Variants in AHCTF1 observed in about 807,000 individuals in gnomAD.
AHCTF1 encodes the protein protein ELYS.
In AHCTF1, 24 loss-of-function variants were observed where a neutral mutation model predicts 248.4. That is an observed-to-expected ratio of 0.10 (90% confidence interval 0.07 to 0.14). AHCTF1 has a LOEUF of 0.14. AHCTF1 is among the 10% of genes least tolerant of loss of function. The pLI is 1.00. For synonymous variants in AHCTF1, 786 were observed against 929.8 expected (o/e 0.85, Z 2.81); for missense variants, 2,206 against 2,636.2 (o/e 0.84, Z 3.57).
rs536529886 is a variant in AHCTF1, at chr1:246,866,982, A to C, written c.3347+262T>G. On this transcript the variant is annotated intron_variant, in intron 26 of 35. Transcript: ENST00000648844. ...CTACTAACAAGCAGGTAACAAGGAA[A>C]GTAAGTTAATAGTTTGCTCATGAGA... Among the ~76,000 whole-genome samples, 17 of 152,342 alleles carry C rather than the reference A, an allele frequency of 1.1e-4. No homozygotes were observed. The East Asian group carries it at 2.7e-3, about 24-fold the overall frequency.
chr1:246,840,725 T>G lies in AHCTF1; in HGVS notation c.*81A>C. On this transcript the variant is annotated 3_prime_UTR_variant, in exon 36 of 36. Coordinates refer to ENST00000648844, the MANE Select transcript of AHCTF1 (RefSeq NM_001323342.2). Reference sequence around the variant, plus strand: ...TTTACAATAATTTATATAAATTATTTTCTTCCAAACTAGATATTTAATAAT... The same window carrying G: ...TTTACAATAATTTATATAAATTATTGTCTTCCAAACTAGATATTTAATAAT... 9.9e-7 allele frequency: 1 copy of G among 1,007,086 alleles called. No homozygotes were observed. The highest frequency in any genetic ancestry group is 1.4e-6 in the Non-Finnish European group (1 of 730,350). The allele number at this position is 1,007,086 out of a possible 1,614,324, so 62.4% of individuals were successfully genotyped here. A position where few individuals can be genotyped will look rare whatever the true frequency, so the allele number is the denominator to read the frequency against.
intron 3 of AHCTF1, among the ~76,000 whole-genome samples, chr1:246,915,432 C>T (rs1255711721): frequency 6.6e-6 from 1 of 152,046 alleles, no homozygotes; most frequent in African/African-American, 2.4e-5. Flanking sequence ...CCCTATTCTT[C>T]CTTCCCCTCA....
chr1:246,863,777 G>T, intron 27 of AHCTF1, 147 bp downstream of exon 27: 1 of 767,774 alleles, frequency 1.3e-6, no homozygotes. Flanking sequence ...TCCGTTTTTA[G>T]AAGATGTGAA....
chr1:246,918,067 G>T (rs1430082955), intron 2 of AHCTF1, among the ~76,000 whole-genome samples, 183 bp downstream of exon 2: 1 of 151,912 alleles, frequency 6.6e-6, no homozygotes, highest in Non-Finnish European at 1.5e-5. Context: ...CCCAATCAGA[G>T]GTTCACTGAT....
chr1:246,918,942 G>A (rs1356004284), intron 1 of AHCTF1, among the ~76,000 whole-genome samples: 1 of 152,126 alleles, frequency 6.6e-6, no homozygotes, highest in Non-Finnish European at 1.5e-5. Flanking sequence ...GGGGGAGAAA[G>A]TCCAAGAAAA....
intron 8 of AHCTF1, among the ~76,000 whole-genome samples, chr1:246,902,050 G>A (rs1665038228): frequency 6.6e-6 from 1 of 152,112 alleles, no homozygotes; most frequent in African/African-American, 2.4e-5. Context: ...GAGAAACAGA[G>A]CTCTGAAATG....
At chr1:246,857,028 C>T (rs930842559) in intron 30 of AHCTF1, among the ~76,000 whole-genome samples, 7 of 152,316 alleles carry the variant, frequency 4.6e-5, no homozygotes, top group Middle Eastern at 3.4e-3. Flanking sequence ...GTGTCAGTCT[C>T]GCAATGAGAC....
At position 246,857,784 on chromosome 1, in the gene AHCTF1, A is replaced by C; in HGVS notation, c.4163T>G (p.Leu1388Arg). The change falls in exon 30 of 36, where the codon CTC becomes CGC. Residue 1388 changes from leucine (L) to arginine (R), a missense_variant. Physicochemically the swap from Leu to Arg is moderately radical, Grantham distance 102. This residue lies in a region of AHCTF1 where 955 missense variants were observed against 1,055.6 expected (regional missense o/e 0.90). Coordinates refer to ENST00000648844, the MANE Select transcript of AHCTF1 (RefSeq NM_001323342.2). ...TGAAAATGCCTCTGCTGCAACTAAG[A>C]GATCCTTTGTTTCTGCATCTTCTAA... ...GNLEDAETKD[L>R]LVAAEAFSEL... is the part of the protein sequence containing the mutation. 3 of 1,612,708 alleles carry C rather than the reference A, an allele frequency of 1.9e-6. No individual in the cohort carries two copies. Among genetic ancestry groups the C allele is most frequent in the Non-Finnish European group, 2.5e-6 (3 of 1,178,950 alleles).
intron 6 of AHCTF1, among the ~76,000 whole-genome samples, chr1:246,905,140 C>T (rs549500393): frequency 6.6e-6 from 1 of 152,288 alleles, no homozygotes; most frequent in Admixed American, 6.5e-5. Flanking sequence ...AATTGTGTTG[C>T]CTTCACTAAA....
intron 20 of AHCTF1, among the ~76,000 whole-genome samples, chr1:246,886,433 A>G (rs1281959268): frequency 6.6e-6 from 1 of 152,260 alleles, no homozygotes; most frequent in Non-Finnish European, 1.5e-5. Flanking sequence ...ACATTGTATT[A>G]GATGTTATAA....
intron 24 of AHCTF1, among the ~76,000 whole-genome samples, chr1:246,869,245 T>C (rs537387112): frequency 6.6e-6 from 1 of 152,220 alleles, no homozygotes; most frequent in South Asian, 2.1e-4. Context: ...CTCCACTGAC[T>C]AACTGTTCCC....
chr1:246,851,139 C>T lies in AHCTF1; in HGVS notation c.4867G>A (p.Glu1623Lys). 6.2e-7 allele frequency: 1 copy of T among 1,613,894 alleles called. No individual in the cohort carries two copies. Among genetic ancestry groups the T allele is most frequent in the Non-Finnish European group, 8.5e-7 (1 of 1,179,854 alleles). Residue 1623 changes from glutamate to lysine, a missense_variant, in exon 33 of 36, where the codon GAA (glutamate) becomes AAA (lysine). Glu to Lys is a moderately conservative substitution (Grantham distance 56). Coordinates refer to ENST00000648844, the MANE Select transcript of AHCTF1 (RefSeq NM_001323342.2). ...TCCCCACTGCATACAAGTTTTTCTTCAGTTGCTGTGTTAGCTGCTTTAGGT... is the reference window on the plus strand; with the variant it reads ...TCCCCACTGCATACAAGTTTTTCTTTAGTTGCTGTGTTAGCTGCTTTAGGT... The part of the protein sequence containing the change: ...VLPKAANTAT[E>K]EKLVCSGEND...
rs1233303477 is a variant in AHCTF1, at chr1:246,904,170, G to A, written c.882-137C>T. 40 of 634,514 alleles carry A rather than the reference G, an allele frequency of 6.3e-5. 2 individuals carry two copies. Among genetic ancestry groups the A allele is most frequent in the South Asian group, 5.3e-4 (26 of 48,714 alleles). The allele number at this position is 634,514 out of a possible 1,614,324, so 39.3% of individuals were successfully genotyped here. A position where few individuals can be genotyped will look rare whatever the true frequency, so the allele number is the denominator to read the frequency against. On this transcript the variant is annotated intron_variant, in intron 6 of 35. Transcript: ENST00000648844. ...AATCACTGTGAAAAATTTAGTTTTCGGTAATTTTTATAAAAATGTAGTCCT... is the reference window on the plus strand; with the variant it reads ...AATCACTGTGAAAAATTTAGTTTTCAGTAATTTTTATAAAAATGTAGTCCT...
intron 3 of AHCTF1, among the ~76,000 whole-genome samples, chr1:246,913,809 C>A (rs985979289): frequency 6.6e-6 from 1 of 152,210 alleles, no homozygotes; most frequent in Non-Finnish European, 1.5e-5. Context: ...ACGCATAAAA[C>A]GCAAACCTAA....
intron 24 of AHCTF1, 22 bp downstream of exon 24, chr1:246,876,015 T>C (rs745393529): frequency 1.3e-6 from 2 of 1,569,024 alleles, no homozygotes; most frequent in East Asian, 2.3e-5. Context: ...TAGATTATGA[T>C]ATTCTTCAAT....
In AHCTF1 at chr1:246,850,557, C is replaced by T. The variant is rs1342792706; in HGVS notation, c.5449G>A (p.Glu1817Lys). Residue 1817 changes from glutamate (E) to lysine (K), a missense_variant, in exon 33 of 36, where the codon GAA becomes AAA. Coordinates refer to ENST00000648844, the MANE Select transcript of AHCTF1 (RefSeq NM_001323342.2). ...TTTTCTAGTATGTCCTGATTAACTTCTTTCTTTCTCCTTCCTCTCCTAGGC... is the reference window on the plus strand; with the variant it reads ...TTTTCTAGTATGTCCTGATTAACTTTTTTCTTTCTCCTTCCTCTCCTAGGC... ...VTPRRGRRKK[E>K]VNQDILENTS... The T allele has an allele frequency of 2.8e-5, 45 of 1,608,954 alleles. No homozygotes were observed. Among genetic ancestry groups the T allele is most frequent in the Non-Finnish European group, 3.5e-5 (41 of 1,177,506 alleles).
chr1:246,918,714 T>C (rs1666319148), intron 1 of AHCTF1, among the ~76,000 whole-genome samples: 2 of 152,246 alleles, frequency 1.3e-5, no homozygotes, highest in Non-Finnish European at 2.9e-5. Flanking sequence ...TACTGTCTCC[T>C]AAGAAAGTAT....
chr1:246,849,483 C>G, intron 33 of AHCTF1, 132 bp downstream of exon 33: 1 of 1,157,102 alleles, frequency 8.6e-7, no homozygotes, highest in South Asian at 1.7e-5. Flanking sequence ...AACTTTACTA[C>G]TAAAAGATCA....
chr1:246,909,077 CTA>C (rs1553302559), intron 4 of AHCTF1, among the ~76,000 whole-genome samples: 15 of 105,342 alleles, frequency 1.4e-4, no homozygotes, highest in African/African-American at 4.6e-4. Flanking sequence ...CTATATATAT[CTA>C]TATCTATCTA....
Sources: gnomAD v4.1 joint callset for allele counts (sites outside exome capture counted in the v4.1 genomes callset) on GRCh38, gnomAD v4.1.1 for gene constraint, gnomAD v4.1.1 regional missense constraint, MANE v1.5 for transcripts, NCBI Gene and HGNC (gene_info 2026-07-23, HGNC 2026-07-21) for gene names.